Variants in SIK3 observed in about 807,000 individuals in gnomAD.
SIK3 encodes SIK family kinase 3, also known as serine/threonine-protein kinase SIK3.
In SIK3, 28 loss-of-function variants were observed where a neutral mutation model predicts 144.2. The ratio of observed to expected loss-of-function variants is 0.19; its 90% CI spans 0.14 to 0.27. SIK3 has a LOEUF of 0.27. Among genes scored for constraint, SIK3 ranks in the 10% least tolerant of loss-of-function variants. The probability of loss-of-function intolerance (pLI) is 1.00; values close to 1 mark genes in which losing one functional copy is unlikely to be tolerated. For synonymous variants in SIK3, 686 were observed against 676.3 expected, an observed-to-expected ratio of 1.01 and a Z score of -0.22; for missense variants, 1,319 against 1,776.0, an observed-to-expected ratio of 0.74 and a Z score of 4.62.
intron 1 of SIK3, among the ~76,000 whole-genome samples, chr11:117,089,458 CAAG>C (rs1464671181): frequency 2.0e-5 from 3 of 151,088 alleles, no homozygotes; most frequent in African/African-American, 7.3e-5. Flanking sequence ...ATTGGGGTGG[CAAG>C]AAGACTTCAT....
intron 3 of SIK3, among the ~76,000 whole-genome samples, chr11:116,936,874 G>T (rs537388118): frequency 1.3e-5 from 2 of 152,242 alleles, no homozygotes; most frequent in East Asian, 1.9e-4. Context: ...TTTGCTCAGG[G>T]TTTTACTTCT....
At chr11:116,863,073 C>CA (rs144760564) in intron 16 of SIK3, among the ~76,000 whole-genome samples, 2,152 of 115,418 alleles carry the variant, frequency 0.019, 34 homozygotes, top group African/African-American at 0.048. Flanking sequence ...GACTTGGTCT[C>CA]AAAAAAAAAA....
chr11:116,885,208 TC>T (rs991440428), intron 6 of SIK3, among the ~76,000 whole-genome samples: 2 of 152,294 alleles, frequency 1.3e-5, no homozygotes, highest in African/African-American at 4.8e-5. Flanking sequence ...TGGAACACTT[TC>T]GCAAAGAGAT....
At chr11:116,859,922 A>G (rs6589574) in intron 19 of SIK3, among the ~76,000 whole-genome samples, 135,436 of 152,200 alleles carry the variant, frequency 0.89, 60,597 homozygotes, top group African/African-American at 0.93. Context: ...GAACTTTCAC[A>G]TGCACACAAA....
chr11:116,983,373 T>C (rs1381517298), intron 1 of SIK3, among the ~76,000 whole-genome samples: 3 of 145,944 alleles, frequency 2.1e-5, no homozygotes, highest in Non-Finnish European at 4.5e-5. Flanking sequence ...CTACTAAAAA[T>C]ACAAAAATTA....
Position 116,859,375 on chromosome 11 carries a change from G to T in SIK3, c.2655C>A (p.Pro885=). ...GSSGRGISIS[P]SAGQMQMQHR... ...GCTGCATCTGCATCTGACCAGCACTGGGGCTGATGGAGATGCCGCGCCCAC... is the reference window on the plus strand; with the variant it reads ...GCTGCATCTGCATCTGACCAGCACTTGGGCTGATGGAGATGCCGCGCCCAC... The change falls in exon 20 of 25, where the codon CCC becomes CCA. Residue 885 remains proline, a synonymous_variant. Transcript: ENST00000445177. 1 of 1,614,204 alleles carries T rather than the reference G, an allele frequency of 6.2e-7. No homozygotes were observed. Among genetic ancestry groups the T allele is most frequent in the Non-Finnish European group, 8.5e-7 (1 of 1,180,050 alleles).
chr11:116,982,024 T>C (rs1950155917), intron 1 of SIK3, among the ~76,000 whole-genome samples: 1 of 152,180 alleles, frequency 6.6e-6, no homozygotes, highest in Admixed American at 6.5e-5. Context: ...GGCAATCACA[T>C]GGGAGGCTTC....
intron 1 of SIK3, among the ~76,000 whole-genome samples, chr11:117,035,290 C>A (rs535878701): frequency 1.3e-5 from 2 of 152,160 alleles, no homozygotes; most frequent in South Asian, 4.1e-4. Context: ...TTTAATGATG[C>A]AGATAATATG....
intron 1 of SIK3, among the ~76,000 whole-genome samples, chr11:116,972,644 CCTA>C (rs1318070780): frequency 6.6e-6 from 1 of 152,020 alleles, no homozygotes; most frequent in Non-Finnish European, 1.5e-5. Context: ...TGGATGCAGT[CCTA>C]CTCAAAATTA....
intron 1 of SIK3, among the ~76,000 whole-genome samples, chr11:117,053,602 G>A (rs80259223): frequency 0.1 from 15,115 of 151,838 alleles, 884 homozygotes; most frequent in Admixed American, 0.16. Context: ...AGGCAGTCTG[G>A]CTCCAAACTC....
At chr11:116,876,155 G>GA (rs1254785962) in intron 8 of SIK3, 98 bp downstream of exon 8, 44 of 1,484,820 alleles carry the variant, frequency 3.0e-5, no homozygotes, top group Non-Finnish European at 3.4e-5. Flanking sequence ...AAAACAGGAG[G>GA]AAAAAAAAGG....
intron 3 of SIK3, among the ~76,000 whole-genome samples, chr11:116,940,044 G>A (rs1242507304): frequency 2.0e-5 from 3 of 152,134 alleles, no homozygotes; most frequent in Non-Finnish European, 4.4e-5. Context: ...GCTGTTGTAT[G>A]TAAGAATGGC....
chr11:116,907,628 CAA>C (rs1187690760), intron 4 of SIK3, among the ~76,000 whole-genome samples: 1 of 152,104 alleles, frequency 6.6e-6, no homozygotes, highest in Non-Finnish European at 1.5e-5. Context: ...GCCTGGGTGA[CAA>C]GAGCAAAACA....
At chr11:116,882,278 G>A (rs969585422) in intron 6 of SIK3, among the ~76,000 whole-genome samples, 3 of 152,200 alleles carry the variant, frequency 2.0e-5, no homozygotes, top group Non-Finnish European at 2.9e-5. Context: ...TTTTGCTGGT[G>A]AGGATTAAAT....
At chr11:117,083,242 C>T (rs1954864627) in intron 1 of SIK3, among the ~76,000 whole-genome samples, 1 of 152,104 alleles carries the variant, frequency 6.6e-6, no homozygotes, top group African/African-American at 2.4e-5. Flanking sequence ...TCGGAAGAGG[C>T]AGTAGGCTAA....
intron 3 of SIK3, 42 bp downstream of exon 3, chr11:116,954,002 T>G: frequency 6.5e-7 from 1 of 1,534,486 alleles, no homozygotes; most frequent in Non-Finnish European, 9.0e-7. Context: ...TTTGCCATAG[T>G]GTGCTCAATA....
chr11:116,872,996 G>A (rs1944045056), intron 13 of SIK3, among the ~76,000 whole-genome samples: 1 of 152,236 alleles, frequency 6.6e-6, no homozygotes, highest in African/African-American at 2.4e-5. Context: ...CTCGGCTAAA[G>A]CTGTGGGAGC....
intron 1 of SIK3, among the ~76,000 whole-genome samples, chr11:117,042,413 A>G (rs892639762): frequency 1.3e-5 from 2 of 152,186 alleles, no homozygotes; most frequent in Non-Finnish European, 2.9e-5. Context: ...GCACATCTAC[A>G]TGTGTCTGGT....
intron 1 of SIK3, among the ~76,000 whole-genome samples, chr11:116,980,619 G>A (rs950483100): frequency 6.6e-6 from 1 of 152,274 alleles, no homozygotes; most frequent in South Asian, 2.1e-4. Flanking sequence ...TCGGGAGGCC[G>A]AAGTGGGCAG....
Sources: allele counts gnomAD v4.1 joint callset (sites outside exome capture counted in the v4.1 genomes callset), GRCh38; gene constraint gnomAD v4.1.1; transcripts MANE v1.5; gene names NCBI Gene and HGNC (gene_info 2026-07-23, HGNC 2026-07-21).